Variants in DNAH2 observed in about 807,000 individuals in gnomAD.
DNAH2 encodes the protein axonemal beta dynein heavy chain 2.
Under a neutral mutation model 523.5 loss-of-function variants are expected in DNAH2, and 323 were observed. The ratio of observed to expected loss-of-function variants is 0.62; its 90% CI spans 0.56 to 0.68. DNAH2 has a LOEUF of 0.68. Among genes scored for constraint, DNAH2 ranks in the 30% least tolerant of loss-of-function variants. The probability of loss-of-function intolerance (pLI) is 0.00; values close to 1 mark genes in which losing one functional copy is unlikely to be tolerated. For missense variants in DNAH2, 4,907 were observed against 5,701.5 expected (o/e 0.86, Z 4.49); for synonymous variants, 2,093 against 2,177.4 (o/e 0.96, Z 1.08).
At chr17:7,749,306 CCCAAAAAAAAA>C (rs2075607201) in intron 12 of DNAH2, among the ~76,000 whole-genome samples, 24 of 3,492 alleles carry the variant, frequency 6.9e-3, no homozygotes, top group African/African-American at 0.03. Flanking sequence ...TAAACTCCCC[CCCAAAAAAAAA>C]AAAAAAAAAA....
intron 68 of DNAH2, 32 bp downstream of exon 68, chr17:7,818,128 GGAT>G: frequency 6.2e-7 from 1 of 1,608,178 alleles, no homozygotes; most frequent in Non-Finnish European, 8.5e-7. Context: ...CAGCCAAGTG[GGAT>G]GCTAGGGAGG....
At chr17:7,739,164 G>C (rs1056475073) in intron 8 of DNAH2, 76 of 557,000 alleles carry the variant, frequency 1.4e-4, no homozygotes, top group African/African-American at 1.2e-3. Flanking sequence ...CCAGCACTTT[G>C]GGAGGCTGAG....
At chr17:7,722,193 G>T (rs899745086) in intron 2 of DNAH2, among the ~76,000 whole-genome samples, 38 of 134,210 alleles carry the variant, frequency 2.8e-4, no homozygotes, top group Non-Finnish European at 4.2e-4. Flanking sequence ...GAGACGGGGG[G>T]GGGGGTTCAC....
chr17:7,771,897 A>G (rs527539505), intron 28 of DNAH2, among the ~76,000 whole-genome samples: 2 of 152,030 alleles, frequency 1.3e-5, no homozygotes, highest in East Asian at 1.9e-4. Context: ...TTTTATTTTT[A>G]GTAGAGATGG....
chr17:7,806,204 G>A (rs893547489), intron 61 of DNAH2, among the ~76,000 whole-genome samples: 4 of 152,218 alleles, frequency 2.6e-5, no homozygotes, highest in African/African-American at 9.6e-5. Context: ...TTGCCCAACT[G>A]TAGGCTTAAT....
At chr17:7,745,614 C>T (rs1472942351) in intron 12 of DNAH2, among the ~76,000 whole-genome samples, 2 of 151,002 alleles carry the variant, frequency 1.3e-5, no homozygotes, top group Non-Finnish European at 3.0e-5. Context: ...CCCAGGAGTC[C>T]AAGATCAGTG....
chr17:7,752,160 T>TACACACACTCAC (rs146035380), intron 12 of DNAH2, among the ~76,000 whole-genome samples: 1,850 of 125,004 alleles, frequency 0.015, 54 homozygotes, highest in African/African-American at 0.04. Context: ...TAAGTCATTT[T>TACACACACTCAC]ACACACACAC....
chr17:7,814,707 G>A (rs973205679), intron 63 of DNAH2, among the ~76,000 whole-genome samples: 1 of 152,140 alleles, frequency 6.6e-6, no homozygotes. Context: ...AAAATTGGCC[G>A]GGTGTGGTGG....
At chr17:7,817,495 C>G in intron 65 of DNAH2, 66 bp from the exon 66 acceptor site, 1 of 1,613,354 alleles carries the variant, frequency 6.2e-7, no homozygotes, top group Non-Finnish European at 8.5e-7. Context: ...TAAGAGATAC[C>G]GTGAAGGCGC....
Position 7,798,959 on chromosome 17 carries a change from G to A in DNAH2, c.8560-144G>A, listed in dbSNP as rs533021880. ...TGTAGTTCCAGCTACTCGGGGGTGG[G>A]GGGTGCTGAAGTGGGAGGATGGTTT... On this transcript the variant is annotated intron_variant, in intron 55 of 85. Coordinates refer to ENST00000572933, the MANE Select transcript of DNAH2 (RefSeq NM_020877.5). This position sits in a 1 kb window ranked among gnomAD's most constrained non-coding sequence, Gnocchi z 5.5. 41 of 1,233,818 alleles carry A rather than the reference G, an allele frequency of 3.3e-5. No homozygotes were observed. The highest frequency in any genetic ancestry group is 4.1e-5 in the Non-Finnish European group (37 of 895,312). 76.4% of individuals were successfully genotyped at this position (1,233,818 alleles called of 1,614,324 possible).
intron 46 of DNAH2, 120 bp from the exon 47 acceptor site, chr17:7,792,537 C>A: frequency 4.0e-6 from 4 of 1,012,012 alleles, no homozygotes; most frequent in African/African-American, 1.6e-5. Context: ...GCACATGATC[C>A]CCAGGCCCCA....
At chr17:7,732,966 T>A in intron 4 of DNAH2, 121 bp from the exon 5 acceptor site, 1 of 918,760 alleles carries the variant, frequency 1.1e-6, no homozygotes, top group Non-Finnish European at 1.7e-6. Context: ...TCATGGCACT[T>A]CCATTTAGAG....
chr17:7,743,615 G>T, intron 12 of DNAH2: 1 of 501,018 alleles, frequency 2.0e-6, no homozygotes, highest in Non-Finnish European at 3.6e-6. Flanking sequence ...GCAGTGAGCT[G>T]AGATCACACC....
In DNAH2 at chr17:7,727,214, G is replaced by T. The variant is rs1310852595; in HGVS notation, c.321G>T (p.Gln107His). The T allele has an allele frequency of 1.2e-6, 2 of 1,610,506 alleles. No individual in the cohort carries two copies. The highest frequency in any genetic ancestry group is 1.7e-6 in the Non-Finnish European group (2 of 1,178,688). Residue 107 changes from glutamine (Q) to histidine (H), a missense_variant, in exon 4 of 86, where the codon CAG becomes CAT. Transcript: ENST00000572933. ...EHDAILEHFA[Q>H]DPTESILTIF... ...ATGCCATTCTGGAACACTTTGCCCA[G>T]GACCCTACAGAATCCATCCTCACCA...
intron 44 of DNAH2, among the ~76,000 whole-genome samples, chr17:7,791,704 CAGGGCAACTG>C (rs2076901683): frequency 6.6e-6 from 1 of 152,180 alleles, no homozygotes; most frequent in Non-Finnish European, 1.5e-5. Flanking sequence ...TGAGGAAGCT[CAGGGCAACTG>C]CTGAGCTATA....
intron 76 of DNAH2, 99 bp from the exon 77 acceptor site, chr17:7,824,438 T>C (rs2077962102): frequency 7.1e-7 from 1 of 1,409,424 alleles, no homozygotes; most frequent in Non-Finnish European, 9.3e-7. Flanking sequence ...ATCTTAGTGT[T>C]AGGCCCCCCC....
At chr17:7,767,645 G>C (rs931447375) in intron 22 of DNAH2, among the ~76,000 whole-genome samples, 3 of 150,654 alleles carry the variant, frequency 2.0e-5, no homozygotes, top group Non-Finnish European at 4.4e-5. Flanking sequence ...CCATCCTAGC[G>C]GGTGTGAAGT....
chr17:7,739,825 A>G lies in DNAH2; in HGVS notation c.1263A>G (p.Thr421=), dbSNP rs769441825. ...CFFGAQGPQI[T]RNLLEIEDIF... ...TTGGTGCCCAGGGGCCACAGATAAC[A>G]CGGAACTTGCTGGAGATTGAGGACA... The change falls in exon 9 of 86, where the codon ACA becomes ACG. Residue 421 remains threonine (T), a synonymous_variant. Transcript: ENST00000572933. 6.2e-7 allele frequency: 1 copy of G among 1,613,836 alleles called. No individual in the cohort carries two copies. Among genetic ancestry groups the G allele is most frequent in the South Asian group, 1.1e-5 (1 of 91,046 alleles).
At chr17:7,732,458 A>T (rs929353198) in intron 4 of DNAH2, among the ~76,000 whole-genome samples, 2 of 148,188 alleles carry the variant, frequency 1.3e-5, no homozygotes, top group Non-Finnish European at 3.0e-5. Context: ...AAAAAAAAAA[A>T]TTGCCAAGAC....
Sources: gnomAD v4.1 joint callset for allele counts (sites outside exome capture counted in the v4.1 genomes callset) on GRCh38, gnomAD v4.1.1 for gene constraint, Gnocchi (gnomAD v3.1) non-coding constraint, MANE v1.5 for transcripts, NCBI Gene and HGNC (gene_info 2026-07-23, HGNC 2026-07-21) for gene names.